The following ZCCHC7 variants were observed in gnomAD, a reference collection of about 807,000 sequenced individuals.
The protein encoded by ZCCHC7 is zinc finger CCHC-type containing 7, also known as zinc finger CCHC domain-containing protein 7.
In ZCCHC7, 35 loss-of-function variants were observed where a neutral mutation model predicts 52.0. The observed-to-expected ratio is 0.67, with a 90% CI of 0.51 to 0.89. ZCCHC7 has a LOEUF of 0.89. Among genes scored for constraint, ZCCHC7 ranks in the 40% least tolerant of loss-of-function variants. The pLI is 0.00. For synonymous variants in ZCCHC7, 217 were observed against 221.5 expected (o/e 0.98, Z 0.18); for missense variants, 574 against 649.1 (o/e 0.88, Z 1.26).
At chr9:37,304,059 A>G in intron 3 of ZCCHC7, 129 bp from the exon 4 acceptor site, 3 of 832,860 alleles carry the variant, frequency 3.6e-6, no homozygotes, top group Non-Finnish European at 5.5e-6. Flanking sequence ...TTGCTTTATC[A>G]AGGTAATGGA....
chr9:37,158,038 T>C (rs1218205271), intron 2 of ZCCHC7, among the ~76,000 whole-genome samples: 2 of 152,244 alleles, frequency 1.3e-5, no homozygotes, highest in African/African-American at 4.8e-5. Flanking sequence ...AAGGATGTAC[T>C]TCAACTGGTT....
chr9:37,293,684 T>G (rs1828645700), intron 2 of ZCCHC7, among the ~76,000 whole-genome samples: 1 of 152,200 alleles, frequency 6.6e-6, no homozygotes, highest in African/African-American at 2.4e-5. Flanking sequence ...CCTTTCTTTC[T>G]TGTTTCTTAG....
chr9:37,317,363 CAAG>C (rs1183353805), intron 5 of ZCCHC7, among the ~76,000 whole-genome samples: 1 of 152,170 alleles, frequency 6.6e-6, no homozygotes, highest in East Asian at 1.9e-4. Flanking sequence ...ACAGTGAAAG[CAAG>C]AAAGCCTGGA....
chr9:37,183,273 T>C (rs541899807), intron 2 of ZCCHC7, among the ~76,000 whole-genome samples: 162 of 152,360 alleles, frequency 1.1e-3, no homozygotes, highest in Non-Finnish European at 2.1e-3. Context: ...AACTCTCATT[T>C]TGTGACTCAG....
intron 8 of ZCCHC7, among the ~76,000 whole-genome samples, chr9:37,355,611 C>T (rs1358011255): frequency 6.6e-6 from 1 of 152,172 alleles, no homozygotes; most frequent in Non-Finnish European, 1.5e-5. Flanking sequence ...TCATCTACAG[C>T]TATCCCTGGA....
At chr9:37,215,569 A>G (rs1375915725) in intron 2 of ZCCHC7, among the ~76,000 whole-genome samples, 1 of 152,198 alleles carries the variant, frequency 6.6e-6, no homozygotes, top group Non-Finnish European at 1.5e-5. Context: ...TAGTCTTTCC[A>G]TAAATTTAAA....
At chr9:37,320,334 TC>T (rs1830001176) in intron 5 of ZCCHC7, among the ~76,000 whole-genome samples, 1 of 152,306 alleles carries the variant, frequency 6.6e-6, no homozygotes, top group African/African-American at 2.4e-5. Context: ...AACCTTGGCC[TC>T]CCAAAGTGCT....
chr9:37,343,937 T>C (rs190565311), intron 6 of ZCCHC7, among the ~76,000 whole-genome samples: 50 of 152,366 alleles, frequency 3.3e-4, no homozygotes, highest in Non-Finnish European at 6.5e-4. Flanking sequence ...TAAAACTTTA[T>C]AGACACTGCA....
At chr9:37,189,292 C>G (rs564481429) in intron 2 of ZCCHC7, among the ~76,000 whole-genome samples, 1 of 151,728 alleles carries the variant, frequency 6.6e-6, no homozygotes, top group Non-Finnish European at 1.5e-5. Flanking sequence ...TTTCCTGATT[C>G]TTCATTTGTC....
chr9:37,143,483 C>T (rs1249386297), intron 2 of ZCCHC7, among the ~76,000 whole-genome samples: 1 of 150,168 alleles, frequency 6.7e-6, no homozygotes, highest in African/African-American at 2.4e-5. Context: ...CTTTATGTCT[C>T]GGTGTTCTAG....
At chr9:37,187,388 C>T (rs569095807) in intron 2 of ZCCHC7, among the ~76,000 whole-genome samples, 1 of 152,326 alleles carries the variant, frequency 6.6e-6, no homozygotes, top group East Asian at 1.9e-4. Context: ...CAATAGGGTT[C>T]ATGCTCCTAT....
intron 2 of ZCCHC7, among the ~76,000 whole-genome samples, chr9:37,224,061 T>C (rs1393112690): frequency 6.6e-6 from 1 of 152,114 alleles, no homozygotes; most frequent in Non-Finnish European, 1.5e-5. Context: ...TTTTATTCTT[T>C]TAAGGTAAAA....
chr9:37,255,128 T>C (rs1213289694), intron 2 of ZCCHC7, among the ~76,000 whole-genome samples: 2 of 152,006 alleles, frequency 1.3e-5, no homozygotes, highest in Non-Finnish European at 2.9e-5. Context: ...CATACATCCC[T>C]ATGATAAAGT....
At chr9:37,334,446 C>G (rs1830568267) in intron 6 of ZCCHC7, among the ~76,000 whole-genome samples, 1 of 151,904 alleles carries the variant, frequency 6.6e-6, no homozygotes, top group Non-Finnish European at 1.5e-5. Context: ...TTTGAATAAT[C>G]TGCAGGAAAA....
chr9:37,133,878 C>G (rs947724419), intron 2 of ZCCHC7, among the ~76,000 whole-genome samples: 1 of 152,194 alleles, frequency 6.6e-6, no homozygotes, highest in Admixed American at 6.5e-5. Context: ...CGTGAGCCAC[C>G]GTGCCTGGCC....
Position 37,261,268 on chromosome 9 carries a change from T to C in ZCCHC7, c.611-40920T>C, listed in dbSNP as rs79235027. ...TAGAGGAAGTTTCTCTAACTAAATG[T>C]CTTTTGTCCTCTGTAAAATGGACAA... On this transcript the variant is annotated intron_variant, in intron 2 of 8. Transcript: ENST00000336755. Among the ~76,000 whole-genome samples, 85 of 152,344 alleles carry C rather than the reference T, an allele frequency of 5.6e-4. 1 individual carries two copies. In the East Asian group the frequency reaches 0.015, roughly 27 times the overall value.
Position 37,293,582 on chromosome 9 carries a change from G to A in ZCCHC7, c.611-8606G>A, listed in dbSNP as rs530763466. On this transcript the variant is annotated intron_variant, in intron 2 of 8. Transcript: ENST00000336755. ...TTGCCTTTTGTGGACAGTTGGAGGTGGGGAACAGGCATCCATAGTCAGTAT... is the reference window on the plus strand; with the variant it reads ...TTGCCTTTTGTGGACAGTTGGAGGTAGGGAACAGGCATCCATAGTCAGTAT... Among the ~76,000 whole-genome samples, 6 of 152,168 alleles carry A rather than the reference G, an allele frequency of 3.9e-5. 1 individual carries two copies. Among genetic ancestry groups the A allele is most frequent in the African/African-American group, 1.2e-4 (5 of 41,524 alleles).
chr9:37,231,757 A>T (rs1825419174), intron 2 of ZCCHC7, among the ~76,000 whole-genome samples: 1 of 152,150 alleles, frequency 6.6e-6, no homozygotes, highest in African/African-American at 2.4e-5. Flanking sequence ...GGCACATTTC[A>T]CCTACCCCAA....
At chr9:37,335,354 A>G (rs1184771955) in intron 6 of ZCCHC7, among the ~76,000 whole-genome samples, 2 of 152,270 alleles carry the variant, frequency 1.3e-5, no homozygotes, top group East Asian at 1.9e-4. Flanking sequence ...AGAGAAAAGA[A>G]TGCCAGCTTT....
Sources: gnomAD v4.1 joint callset for allele counts (sites outside exome capture counted in the v4.1 genomes callset) on GRCh38, gnomAD v4.1.1 for gene constraint, MANE v1.5 for transcripts, NCBI Gene and HGNC (gene_info 2026-07-23, HGNC 2026-07-21) for gene names.